ST6GALNAC1: variants seen among roughly 807,000 people sequenced by gnomAD.
ST6GALNAC1 encodes ST6 N-acetylgalactosaminide alpha-2,6-sialyltransferase 1, also known as alpha-N-acetylgalactosaminide alpha-2,6-sialyltransferase 1.
ST6GALNAC1 carries 45 observed loss-of-function variants against 56.8 expected under a neutral mutation model. The ratio of observed to expected loss-of-function variants is 0.79; its 90% CI spans 0.62 to 1.02. The LOEUF is 1.02. Among genes scored for constraint, ST6GALNAC1 ranks in the 50% least tolerant of loss-of-function variants. ST6GALNAC1 has a pLI of 0.00. For synonymous variants in ST6GALNAC1, 295 were observed against 297.8 expected (o/e 0.99, Z 0.10); for missense variants, 743 against 754.8 (o/e 0.98, Z 0.18).
chr17:76,624,400 CCA>C (rs2075769262), downstream of ST6GALNAC1, among the ~76,000 whole-genome samples: 1 of 152,068 alleles, frequency 6.6e-6, no homozygotes. Flanking sequence ...CAGGCGCCCG[CCA>C]CCACGCCCGG....
chr17:76,639,305 G>A (rs1346141564), intron 1 of ST6GALNAC1, among the ~76,000 whole-genome samples: 2 of 152,118 alleles, frequency 1.3e-5, no homozygotes, highest in Non-Finnish European at 2.9e-5. Flanking sequence ...GGCCGGGTGC[G>A]GTGGCCCATG....
chr17:76,618,143 T>C, the ST6GALNAC1 span, among the ~76,000 whole-genome samples: 4 of 152,228 alleles, frequency 2.6e-5, no homozygotes, highest in Admixed American at 2.6e-4. Flanking sequence ...TTTTTATGTG[T>C]TCACAGATGA....
At chr17:76,630,265 T>C (rs1204873581) in intron 1 of ST6GALNAC1, among the ~76,000 whole-genome samples, 2 of 152,208 alleles carry the variant, frequency 1.3e-5, no homozygotes, top group African/African-American at 4.8e-5. Flanking sequence ...ACACGATTAT[T>C]GTTATTCGAG....
intron 1 of ST6GALNAC1, among the ~76,000 whole-genome samples, chr17:76,642,622 G>A (rs946583473): frequency 3.9e-5 from 6 of 151,976 alleles, no homozygotes; most frequent in East Asian, 3.9e-4. Context: ...TACTTTCAAC[G>A]TTTAGGAACA....
At chr17:76,637,906 A>G (rs1202667426) in intron 1 of ST6GALNAC1, among the ~76,000 whole-genome samples, 1 of 152,060 alleles carries the variant, frequency 6.6e-6, no homozygotes, top group Non-Finnish European at 1.5e-5. Context: ...ATCTCGGCTC[A>G]CTGGAAGCCA....
At chr17:76,633,967 C>T (rs1173241853) in intron 1 of ST6GALNAC1, among the ~76,000 whole-genome samples, 1 of 152,182 alleles carries the variant, frequency 6.6e-6, no homozygotes, top group African/African-American at 2.4e-5. Context: ...GAGGCTGAAA[C>T]TGAATTTTGA....
chr17:76,626,218 T>A, intron 6 of ST6GALNAC1, 71 bp downstream of exon 6: 2 of 1,570,676 alleles, frequency 1.3e-6, no homozygotes, highest in Non-Finnish European at 1.8e-6. Context: ...TCCCCACCTG[T>A]CCAACCCTTT....
chr17:76,623,956 G>C (rs1357271700), downstream of ST6GALNAC1, among the ~76,000 whole-genome samples: 1 of 152,244 alleles, frequency 6.6e-6, no homozygotes, highest in Non-Finnish European at 1.5e-5. Context: ...CCCTGTCAAA[G>C]TCGTTGTGAC....
In ST6GALNAC1 at chr17:76,625,498, G is replaced by T. The variant is rs1455018967; in HGVS notation, c.1635C>A (p.Gly545=). 1 of 1,613,954 alleles carries T rather than the reference G, an allele frequency of 6.2e-7. No homozygotes were observed. The highest frequency in any genetic ancestry group is 1.3e-5 in the African/African-American group (1 of 74,930). The part of the protein sequence containing the change: ...QVSAYGFITE[G]HERFSDHYYD... Reference sequence around the variant, plus strand: ...AGTAGTGATCAGAAAAGCGCTCATGGCCCTCAGTGATGAAGCCATAAGCAC... The same window carrying T: ...AGTAGTGATCAGAAAAGCGCTCATGTCCCTCAGTGATGAAGCCATAAGCAC... The change falls in exon 9 of 9, where the codon GGC becomes GGA. Residue 545 remains glycine (G), a synonymous_variant. Transcript: ENST00000156626.
chr17:76,636,651 G>A (rs898347385), intron 1 of ST6GALNAC1, among the ~76,000 whole-genome samples: 1 of 150,346 alleles, frequency 6.7e-6, no homozygotes, highest in African/African-American at 2.5e-5. Context: ...CGTCCGGGAG[G>A]TGGGGGTAGC....
intron 1 of ST6GALNAC1, among the ~76,000 whole-genome samples, chr17:76,631,920 AGAGT>A (rs1239049057): frequency 2.6e-5 from 4 of 152,206 alleles, no homozygotes; most frequent in Admixed American, 1.3e-4. Flanking sequence ...CACTCAACAC[AGAGT>A]GAGAAACCTG....
intron 1 of ST6GALNAC1, chr17:76,633,604 C>A (rs1222921111): frequency 3.3e-5 from 5 of 151,912 alleles, no homozygotes; most frequent in Non-Finnish European, 1.5e-5. Flanking sequence ...CTGGCAACAT[C>A]CTCCCTCTCT....
chr17:76,626,337 G>C lies in ST6GALNAC1; in HGVS notation c.1367C>G (p.Ala456Gly). 1 of 1,614,178 alleles carries C rather than the reference G, an allele frequency of 6.2e-7. No homozygotes were observed. The highest frequency in any genetic ancestry group is 8.5e-7 in the Non-Finnish European group (1 of 1,180,044). Residue 456 changes from alanine to glycine, a missense_variant, in exon 6 of 9, where the codon GCA (alanine) becomes GGA (glycine). By Grantham distance (60) the Ala-to-Gly change is moderately conservative (BLOSUM62 0). Coordinates refer to ENST00000156626, the MANE Select transcript of ST6GALNAC1 (RefSeq NM_018414.5). ...CATCACCGTCTGATTCATAAGCAGT[G>C]CTTCCAGCCACTCATAGTCCCGGGT... ...EGTRDYEWLEALLMNQTVMSK... is the reference protein window; with the variant it reads ...EGTRDYEWLEGLLMNQTVMSK...
At chr17:76,628,340 G>T (rs1298362543) in intron 2 of ST6GALNAC1, among the ~76,000 whole-genome samples, 1 of 144,838 alleles carries the variant, frequency 6.9e-6, no homozygotes, top group African/African-American at 2.5e-5. Flanking sequence ...TGCCCAGGCG[G>T]GAGTGCAGTG....
chr17:76,634,156 G>A (rs1016860720), intron 1 of ST6GALNAC1, among the ~76,000 whole-genome samples: 2 of 152,158 alleles, frequency 1.3e-5, no homozygotes, highest in African/African-American at 2.4e-5. Context: ...GGTGAGTTGC[G>A]CCTGGTATGT....
At chr17:76,617,949 G>A in the ST6GALNAC1 span, among the ~76,000 whole-genome samples, 1 of 152,216 alleles carries the variant, frequency 6.6e-6, no homozygotes, top group African/African-American at 2.4e-5. Context: ...GATTGGGGCT[G>A]TTTCTCTGGG....
rs145229994 is a variant in ST6GALNAC1, at chr17:76,629,083, C to T, written c.760G>A (p.Ala254Thr). 41 of 1,577,654 alleles carry T rather than the reference C, an allele frequency of 2.6e-5. No individual in the cohort carries two copies. The highest frequency in any genetic ancestry group is 3.1e-5 in the Non-Finnish European group (36 of 1,161,016). ...CACCGAGGCTCAGATTTGAAGTTGG[C>T]GGCCTTCAGTCTTTGGTTTCTCTGC... ...TTQRNQRLKA[A>T]NFKSEPRWDF... Residue 254 changes from alanine to threonine, a missense_variant, in exon 2 of 9, where the codon GCC becomes ACC. Ala to Thr is a moderately conservative substitution (Grantham distance 58). Coordinates refer to ENST00000156626, the MANE Select transcript of ST6GALNAC1 (RefSeq NM_018414.5).
At chr17:76,641,328 A>G (rs1423140769) in intron 1 of ST6GALNAC1, among the ~76,000 whole-genome samples, 1 of 152,120 alleles carries the variant, frequency 6.6e-6, no homozygotes, top group Non-Finnish European at 1.5e-5. Context: ...TCAACCCTTC[A>G]GTCTCTCTGA....
chr17:76,625,961 G>T (rs772562940), intron 7 of ST6GALNAC1, 43 bp from the exon 8 acceptor site: 38 of 1,608,408 alleles, frequency 2.4e-5, no homozygotes, highest in Non-Finnish European at 3.2e-5. Flanking sequence ...AGGCTGCAAG[G>T]ATAACAGGGA....
Sources: gnomAD v4.1 joint callset for allele counts (sites outside exome capture counted in the v4.1 genomes callset) on GRCh38, gnomAD v4.1.1 for gene constraint, MANE v1.5 for transcripts, NCBI Gene and HGNC (gene_info 2026-07-23, HGNC 2026-07-21) for gene names.